The following NPR3 variants were observed in gnomAD, a reference collection of about 807,000 sequenced individuals.
The protein encoded by NPR3 is natriuretic peptide receptor 3.
A neutral mutation model predicts 54.5 loss-of-function variants in NPR3; 34 were observed. That is an observed-to-expected ratio of 0.62 (90% confidence interval 0.47 to 0.83). The LOEUF (loss-of-function observed/expected upper bound fraction) is 0.83, where lower values mean the gene tolerates loss of function less well. NPR3 is among the 40% of genes least tolerant of loss of function. NPR3 has a pLI of 0.00. For synonymous variants in NPR3, 289 were observed against 297.1 expected, an observed-to-expected ratio of 0.97 and a Z score of 0.28; for missense variants, 674 against 720.8, an observed-to-expected ratio of 0.94 and a Z score of 0.74.
At position 32,789,852 on chromosome 5, in the gene NPR3, G is replaced by A. The variant is rs1173757; in HGVS notation, c.*3507G>A. On this transcript the variant is annotated 3_prime_UTR_variant, in exon 8 of 8. Coordinates refer to ENST00000265074, the MANE Select transcript of NPR3 (RefSeq NM_001204375.2). ...GTAAGCCAGTATACACTGGCTATTT[G>A]TGGAAATCTCTTTGGGAGATCAAAT... is the stretch of plus-strand genomic sequence containing the variant. 0.014 allele frequency: 6,339 copies of A among 447,662 alleles called. 363 individuals are homozygous for A. Among genetic ancestry groups the A allele is most frequent in the African/African-American group, 0.12 (5,866 of 48,936 alleles). The allele number at this position is 447,662 out of a possible 1,614,324, so 27.7% of individuals were successfully genotyped here.
At chr5:32,731,442 A>G (rs73067064) in intron 2 of NPR3, among the ~76,000 whole-genome samples, 16,809 of 152,234 alleles carry the variant, frequency 0.11, 1,049 homozygotes, top group Middle Eastern at 0.21. Flanking sequence ...GCAAAGTAAC[A>G]TAACTCTGCC....
chr5:32,747,600 T>A (rs553344598), intron 3 of NPR3, among the ~76,000 whole-genome samples: 5 of 152,310 alleles, frequency 3.3e-5, no homozygotes, highest in African/African-American at 7.2e-5. Flanking sequence ...CTGATTTTTT[T>A]AAAACCCTTT....
At chr5:32,772,710 A>G (rs1258945841) in intron 3 of NPR3, among the ~76,000 whole-genome samples, 2 of 152,226 alleles carry the variant, frequency 1.3e-5, no homozygotes, top group African/African-American at 4.8e-5. Context: ...TCTCTAGACA[A>G]TTACAGCAAC....
chr5:32,695,934 G>T (rs1410821700), intron 1 of NPR3, among the ~76,000 whole-genome samples: 2 of 152,154 alleles, frequency 1.3e-5, no homozygotes, highest in Non-Finnish European at 2.9e-5. Flanking sequence ...TCCCTTGTCA[G>T]ATGGATAGTT....
intron 3 of NPR3, among the ~76,000 whole-genome samples, chr5:32,742,948 C>A (rs1740111587): frequency 6.6e-6 from 1 of 152,102 alleles, no homozygotes; most frequent in Non-Finnish European, 1.5e-5. Context: ...GTTAGTATTG[C>A]ATTCATCGTA....
chr5:32,702,344 G>A (rs988510956), intron 1 of NPR3, among the ~76,000 whole-genome samples: 1 of 151,752 alleles, frequency 6.6e-6, no homozygotes, highest in African/African-American at 2.4e-5. Flanking sequence ...GTCCCATGCT[G>A]GTGTGCTGCA....
At chr5:32,717,673 A>G (rs1211808046) in intron 1 of NPR3, among the ~76,000 whole-genome samples, 1 of 152,104 alleles carries the variant, frequency 6.6e-6, no homozygotes, top group Non-Finnish European at 1.5e-5. Flanking sequence ...GTGTCTGTTC[A>G]TATCCTTTGC....
At chr5:32,713,587 C>A in intron 1 of NPR3, 1 of 605,242 alleles carries the variant, frequency 1.7e-6, no homozygotes, top group Non-Finnish European at 2.1e-6. Context: ...TGGTGCAATC[C>A]CGGCAAAGCT....
At chr5:32,753,141 T>G (rs1037950215) in intron 3 of NPR3, among the ~76,000 whole-genome samples, 1 of 152,226 alleles carries the variant, frequency 6.6e-6, no homozygotes, top group Admixed American at 6.5e-5. Context: ...TTCCAAGCAA[T>G]GAGCTTCATT....
At chr5:32,780,570 C>T (rs188249443) in intron 4 of NPR3, among the ~76,000 whole-genome samples, 152 bp from the exon 5 acceptor site, 339 of 152,182 alleles carry the variant, frequency 2.2e-3, no homozygotes, top group Non-Finnish European at 3.8e-3. Context: ...CAATGTCTTT[C>T]CAAAATGCCA....
chr5:32,767,572 A>T (rs1373712365), intron 3 of NPR3, among the ~76,000 whole-genome samples: 2 of 152,218 alleles, frequency 1.3e-5, no homozygotes, highest in Non-Finnish European at 2.9e-5. Flanking sequence ...CCATTCATTA[A>T]CATTTCAAGG....
chr5:32,739,984 G>A (rs1034131864), intron 3 of NPR3, among the ~76,000 whole-genome samples: 7 of 152,124 alleles, frequency 4.6e-5, no homozygotes, highest in African/African-American at 1.7e-4. Flanking sequence ...GGGCTCAAGC[G>A]ATCCTCCAAG....
intron 2 of NPR3, among the ~76,000 whole-genome samples, chr5:32,738,332 C>T (rs189078806): frequency 1.0e-3 from 155 of 152,086 alleles, no homozygotes; most frequent in Non-Finnish European, 2.0e-3. Context: ...GTTCCCCTCC[C>T]TGTGTCTATG....
intron 1 of NPR3, among the ~76,000 whole-genome samples, chr5:32,717,239 A>G (rs1471730273): frequency 6.6e-6 from 1 of 152,026 alleles, no homozygotes; most frequent in East Asian, 1.9e-4. Context: ...CATTTTCTTA[A>G]TCCAGTCTGT....
intron 1 of NPR3, among the ~76,000 whole-genome samples, chr5:32,718,880 A>G (rs1221002721): frequency 1.3e-5 from 2 of 152,152 alleles, no homozygotes; most frequent in African/African-American, 4.8e-5. Context: ...AACTTCCAAC[A>G]CTATGTTGAA....
intron 1 of NPR3, chr5:32,712,985 C>T: frequency 6.0e-6 from 1 of 166,828 alleles, no homozygotes; most frequent in Non-Finnish European, 1.2e-5. Flanking sequence ...CGGAAGCGTC[C>T]GCGGACGCCT....
At chr5:32,720,239 A>G (rs1051348309) in intron 1 of NPR3, among the ~76,000 whole-genome samples, 1 of 152,232 alleles carries the variant, frequency 6.6e-6, no homozygotes, top group African/African-American at 2.4e-5. Flanking sequence ...CAGCATACTC[A>G]GTTTTAGGCT....
intron 1 of NPR3, among the ~76,000 whole-genome samples, chr5:32,700,168 C>G (rs1740631296): frequency 6.6e-6 from 1 of 152,088 alleles, no homozygotes; most frequent in Non-Finnish European, 1.5e-5. Context: ...TTAAATGTCT[C>G]AAGTTCTTTT....
upstream of NPR3, among the ~76,000 whole-genome samples, chr5:32,706,173 T>C (rs771222655): frequency 6.6e-6 from 1 of 152,182 alleles, no homozygotes; most frequent in Admixed American, 6.5e-5. Context: ...TGTCTCAGCA[T>C]GTGAGGTGCC....
Sources: gnomAD v4.1 joint callset for allele counts (sites outside exome capture counted in the v4.1 genomes callset) on GRCh38, gnomAD v4.1.1 for gene constraint, MANE v1.5 for transcripts, NCBI Gene and HGNC (gene_info 2026-07-23, HGNC 2026-07-21) for gene names.